Variants in CDYL2 observed in about 807,000 individuals in gnomAD.
CDYL2 encodes the protein chromodomain Y like 2, also known as chromodomain Y-like protein 2.
CDYL2 carries 23 observed loss-of-function variants against 49.4 expected under a neutral mutation model. The ratio of observed to expected loss-of-function variants is 0.47; its 90% confidence interval spans 0.34 to 0.66. The LOEUF (loss-of-function observed/expected upper bound fraction) is 0.66. CDYL2 is among the 30% of genes least tolerant of loss of function. CDYL2 has a pLI of 0.01. For missense variants in CDYL2, 678 were observed against 656.4 expected, an observed-to-expected ratio of 1.03 and a Z score of -0.36; for synonymous variants, 360 against 268.8, an observed-to-expected ratio of 1.34 and a Z score of -3.32.
At chr16:80,638,400 A>G (rs1175953159) in intron 2 of CDYL2, among the ~76,000 whole-genome samples, 4 of 152,188 alleles carry the variant, frequency 2.6e-5, no homozygotes, top group Non-Finnish European at 4.4e-5. Context: ...TAATATGTCA[A>G]TTCTTCCCAA....
At chr16:80,791,294 T>C (rs1368541681) in intron 1 of CDYL2, among the ~76,000 whole-genome samples, 3 of 152,194 alleles carry the variant, frequency 2.0e-5, no homozygotes, top group South Asian at 2.1e-4. Flanking sequence ...AAAGAGACTA[T>C]AGAGATATCT....
At chr16:80,638,635 G>A (rs13330440) in intron 2 of CDYL2, among the ~76,000 whole-genome samples, 8,702 of 151,756 alleles carry the variant, frequency 0.057, 807 homozygotes, top group African/African-American at 0.19. Flanking sequence ...ACATGCATCA[G>A]TGGTATATGA....
chr16:80,768,035 T>C (rs1234014136), intron 1 of CDYL2, among the ~76,000 whole-genome samples: 1 of 152,096 alleles, frequency 6.6e-6, no homozygotes, highest in Non-Finnish European at 1.5e-5. Flanking sequence ...CCATTTCTAC[T>C]CCTCCCAGTT....
At chr16:80,613,182 G>A (rs959802017) in intron 4 of CDYL2, among the ~76,000 whole-genome samples, 1 of 151,964 alleles carries the variant, frequency 6.6e-6, no homozygotes, top group Non-Finnish European at 1.5e-5. Flanking sequence ...ATATCCTAAG[G>A]AAGTCAACCT....
intron 2 of CDYL2, among the ~76,000 whole-genome samples, chr16:80,670,038 C>A (rs1235618155): frequency 6.6e-6 from 1 of 152,226 alleles, no homozygotes; most frequent in Non-Finnish European, 1.5e-5. Context: ...TGGGGCACAA[C>A]AACCTCATCA....
At chr16:80,690,736 G>A (rs941004589) in intron 1 of CDYL2, among the ~76,000 whole-genome samples, 8 of 152,260 alleles carry the variant, frequency 5.3e-5, no homozygotes, top group African/African-American at 1.9e-4. Context: ...AAGTCCTGAA[G>A]CATCTTTCCA....
intron 1 of CDYL2, among the ~76,000 whole-genome samples, chr16:80,710,823 C>T (rs985965985): frequency 2.0e-5 from 3 of 152,056 alleles, no homozygotes; most frequent in African/African-American, 7.2e-5. Context: ...TTTGAATATG[C>T]TAATTTTCGG....
intron 5 of CDYL2, 67 bp from the exon 6 acceptor site, chr16:80,608,302 G>A: frequency 2.1e-6 from 3 of 1,453,116 alleles, no homozygotes; most frequent in Non-Finnish European, 2.7e-6. Context: ...AGCTGGTCCA[G>A]GGCTTGCCAC....
chr16:80,710,355 G>C (rs531108730), intron 1 of CDYL2, among the ~76,000 whole-genome samples: 1 of 152,270 alleles, frequency 6.6e-6, no homozygotes, highest in East Asian at 1.9e-4. Flanking sequence ...CCTTCCAGCA[G>C]TCACATAACA....
At chr16:80,607,081 C>A (rs1906370972) in intron 6 of CDYL2, among the ~76,000 whole-genome samples, 1 of 152,144 alleles carries the variant, frequency 6.6e-6, no homozygotes, top group African/African-American at 2.4e-5. Flanking sequence ...AAATTGGTGA[C>A]CCTAGTCATT....
At chr16:80,633,512 T>C (rs967371083) in intron 2 of CDYL2, among the ~76,000 whole-genome samples, 7 of 152,186 alleles carry the variant, frequency 4.6e-5, no homozygotes, top group African/African-American at 9.7e-5. Flanking sequence ...TCTGCTCAGA[T>C]TCCTTGGCCA....
At chr16:80,788,234 G>A (rs190230067) in intron 1 of CDYL2, among the ~76,000 whole-genome samples, 4 of 152,282 alleles carry the variant, frequency 2.6e-5, no homozygotes, top group South Asian at 4.1e-4. Context: ...CAACCAACAC[G>A]AAGAAGACCA....
chr16:80,758,608 T>C (rs1230592521), intron 1 of CDYL2, among the ~76,000 whole-genome samples: 3 of 145,852 alleles, frequency 2.1e-5, no homozygotes, highest in African/African-American at 7.6e-5. Context: ...AGTGGCACGA[T>C]CTCCGCTCAC....
intron 6 of CDYL2, among the ~76,000 whole-genome samples, chr16:80,604,849 C>A (rs1189754012): frequency 6.6e-6 from 1 of 152,136 alleles, no homozygotes; most frequent in Non-Finnish European, 1.5e-5. Flanking sequence ...CTATAGGTGT[C>A]ATGAAAAAGT....
chr16:80,764,784 G>C (rs1037409604), intron 1 of CDYL2, among the ~76,000 whole-genome samples: 1 of 152,100 alleles, frequency 6.6e-6, no homozygotes, highest in Non-Finnish European at 1.5e-5. Context: ...TCCTCGGCTA[G>C]GCGCGGTGGC....
At chr16:80,745,571 T>G (rs1267375747) in intron 1 of CDYL2, among the ~76,000 whole-genome samples, 2 of 152,154 alleles carry the variant, frequency 1.3e-5, no homozygotes, top group Non-Finnish European at 2.9e-5. Flanking sequence ...ATTAAAACAC[T>G]TCAAATGATG....
chr16:80,785,662 T>C (rs1420355181), intron 1 of CDYL2, among the ~76,000 whole-genome samples: 2 of 152,090 alleles, frequency 1.3e-5, no homozygotes, highest in Admixed American at 6.5e-5. Flanking sequence ...CAAGACAATC[T>C]GGAGCAAGAA....
intron 1 of CDYL2, among the ~76,000 whole-genome samples, chr16:80,712,191 G>GTGTATATATATATATATATATATA (rs1555532109): frequency 6.5e-5 from 7 of 107,930 alleles, no homozygotes; most frequent in South Asian, 3.3e-4. Flanking sequence ...GTCTGTGTGT[G>GTGTATATATATATATATATATATA]TATATATATA....
rs536133921 is a variant in CDYL2, at chr16:80,699,372, C to T, written c.25-14243G>A. 5.3e-5 allele frequency among the ~76,000 whole-genome samples: 8 copies of T among 152,310 alleles called. No homozygotes were observed. The South Asian group carries it at 1.5e-3, about 28-fold the overall frequency. ...ATTCTATCACTTGTGGCAACATGCACGAGCCTGCTGGACATTGTGTTAAGT... is the reference window on the plus strand; with the variant it reads ...ATTCTATCACTTGTGGCAACATGCATGAGCCTGCTGGACATTGTGTTAAGT... On this transcript the variant is annotated intron_variant, in intron 1 of 6. Coordinates refer to ENST00000570137, the MANE Select transcript of CDYL2 (RefSeq NM_152342.4).
Sources: gnomAD v4.1 joint callset for allele counts (sites outside exome capture counted in the v4.1 genomes callset) on GRCh38, gnomAD v4.1.1 for gene constraint, MANE v1.5 for transcripts, NCBI Gene and HGNC (gene_info 2026-07-23, HGNC 2026-07-21) for gene names.